Variants in GOLGA4 observed in about 807,000 individuals in gnomAD.
GOLGA4 encodes the protein golgin subfamily A member 4.
A neutral mutation model predicts 265.9 loss-of-function variants in GOLGA4; 169 were observed. That is an observed-to-expected ratio of 0.64 (90% confidence interval 0.56 to 0.72). The LOEUF is 0.72. Among genes scored for constraint, GOLGA4 ranks in the 30% least tolerant of loss-of-function variants. The pLI is 0.00. For missense variants in GOLGA4, 2,482 were observed against 2,483.4 expected (o/e 1.00, Z 0.01); for synonymous variants, 923 against 855.8 (o/e 1.08, Z -1.37).
In GOLGA4 at chr3:37,315,552, A is replaced by G. The variant is rs760709818; in HGVS notation, c.1367A>G (p.Gln456Arg). Reference sequence around the variant, plus strand: ...AGTGAGGAGGAACGCATCAGTCTTCAACAGGAATTAAGTCGGGTGAAACAG... The same window carrying G: ...AGTGAGGAGGAACGCATCAGTCTTCGACAGGAATTAAGTCGGGTGAAACAG... ...KTSEEERISL[Q>R]QELSRVKQEV... Residue 456 changes from glutamine to arginine, a missense_variant, in exon 11 of 24, where the codon CAA (glutamine) becomes CGA (arginine). Physicochemically the swap from Gln to Arg is conservative, Grantham distance 43. Around this residue, in one of 3 missense-constraint regions of GOLGA4, gnomAD observed 1,536 missense variants for 1,483.7 expected, o/e 1.04. Coordinates refer to ENST00000361924, the MANE Select transcript of GOLGA4 (RefSeq NM_002078.5). 1.9e-6 allele frequency: 3 copies of G among 1,614,070 alleles called. No homozygotes were observed. Among genetic ancestry groups the G allele is most frequent in the Non-Finnish European group, 2.5e-6 (3 of 1,179,924 alleles).
rs1276946223 is a variant in GOLGA4, at chr3:37,324,598, A to T, written c.2712A>T (p.Gln904His). Residue 904 changes from glutamine to histidine, a missense_variant, in exon 14 of 24, where the codon CAA becomes CAT. Physicochemically the swap from Gln to His is conservative, Grantham distance 24. Transcript: ENST00000361924. Reference protein sequence around the residue: ...DGNKEQEQTKQILVEKENMIL... With the variant: ...DGNKEQEQTKHILVEKENMIL... ...ACAAAGAACAGGAACAGACAAAGCAAATCTTGGTGGAAAAGGAAAATATGA... is the reference window on the plus strand; with the variant it reads ...ACAAAGAACAGGAACAGACAAAGCATATCTTGGTGGAAAAGGAAAATATGA... 5 of 1,613,638 alleles carry T rather than the reference A, an allele frequency of 3.1e-6. No individual in the cohort carries two copies. Among genetic ancestry groups the T allele is most frequent in the Admixed American group, 1.7e-5 (1 of 60,000 alleles).
At chr3:37,311,418 A>G (rs2096922857) in intron 10 of GOLGA4, among the ~76,000 whole-genome samples, 1 of 152,224 alleles carries the variant, frequency 6.6e-6, no homozygotes, top group Admixed American at 6.5e-5. Flanking sequence ...GCCATTAGTA[A>G]TTGATTGGCT....
Position 37,357,631 on chromosome 3 carries a change from T to C in GOLGA4, c.6663+2444T>C, listed in dbSNP as rs564589557. ...GATACTTGATAATGTGACTCATGATTGTTTCACGAGTATAAGAAAGTTGAA... is the reference window on the plus strand; with the variant it reads ...GATACTTGATAATGTGACTCATGATCGTTTCACGAGTATAAGAAAGTTGAA... On this transcript the variant is annotated intron_variant, in intron 22 of 23. Transcript: ENST00000361924. Among the ~76,000 whole-genome samples the C allele has an allele frequency of 5.9e-5, 9 of 152,338 alleles. No homozygotes were observed. The East Asian group carries it at 1.5e-3, about 26-fold the overall frequency.
chr3:37,282,370 T>G (rs964303897), intron 3 of GOLGA4, 98 bp downstream of exon 3: 8 of 848,818 alleles, frequency 9.4e-6, no homozygotes, highest in African/African-American at 8.3e-5. Flanking sequence ...GCTAAACTGT[T>G]AATTCTCTGG....
rs778445732 is a variant in GOLGA4, at chr3:37,325,036, A to T, written c.3150A>T (p.Lys1050Asn). The T allele has an allele frequency of 6.2e-7, 1 of 1,612,896 alleles. No individual in the cohort carries two copies. Among genetic ancestry groups the T allele is most frequent in the South Asian group, 1.1e-5 (1 of 90,872 alleles). The change falls in exon 14 of 24, where the codon AAA (lysine) becomes AAT (asparagine). Residue 1050 changes from lysine to asparagine, a missense_variant. Lys to Asn is a moderately conservative substitution (Grantham distance 94, BLOSUM62 0). This residue lies in a region of GOLGA4 where 1,536 missense variants were observed against 1,483.7 expected (regional missense o/e 1.04). Transcript: ENST00000361924. ...LNDVISIWEK[K>N]LNQQAEELQE... is the part of the protein sequence containing the mutation. ...ATGTCATATCAATCTGGGAAAAGAAACTTAATCAGCAAGCTGAAGAACTTC... is the reference window on the plus strand; with the variant it reads ...ATGTCATATCAATCTGGGAAAAGAATCTTAATCAGCAAGCTGAAGAACTTC...
intron 22 of GOLGA4, among the ~76,000 whole-genome samples, chr3:37,359,096 T>A (rs541079942): frequency 6.6e-6 from 1 of 152,198 alleles, no homozygotes; most frequent in Non-Finnish European, 1.5e-5. Context: ...CATATCTCTG[T>A]TTTTCCTAGA....
intron 2 of GOLGA4, among the ~76,000 whole-genome samples, chr3:37,262,149 G>T (rs571174915): frequency 6.6e-6 from 1 of 152,304 alleles, no homozygotes; most frequent in African/African-American, 2.4e-5. Context: ...ACAGAAAATT[G>T]TAGAAGAAAA....
chr3:37,252,225 A>G (rs1414311431), intron 2 of GOLGA4, among the ~76,000 whole-genome samples: 2 of 152,212 alleles, frequency 1.3e-5, no homozygotes, highest in East Asian at 1.9e-4. Context: ...GAATCCTCCC[A>G]GGTCAAGCAA....
chr3:37,289,404 A>G, intron 5 of GOLGA4, 113 bp downstream of exon 5: 2 of 644,220 alleles, frequency 3.1e-6, no homozygotes, highest in Non-Finnish European at 5.4e-6. Flanking sequence ...ACTAATAACT[A>G]ACCAGTCCAG....
In GOLGA4 at chr3:37,323,705, G is replaced by A; in HGVS notation, c.1819G>A (p.Val607Ile). 6.2e-7 allele frequency: 1 copy of A among 1,613,776 alleles called. No homozygotes were observed. Among genetic ancestry groups the A allele is most frequent in the Non-Finnish European group, 8.5e-7 (1 of 1,179,932 alleles). Residue 607 changes from valine (V) to isoleucine (I), a missense_variant, in exon 14 of 24, where the codon GTC becomes ATC. Around this residue, in one of 3 missense-constraint regions of GOLGA4, gnomAD observed 1,536 missense variants for 1,483.7 expected, o/e 1.04. Transcript: ENST00000361924. Reference sequence around the variant, plus strand: ...AAATAAGCACAATAAGGAGATTACAGTCATGGTTGAAAAACACAAGACAGA... The same window carrying A: ...AAATAAGCACAATAAGGAGATTACAATCATGGTTGAAAAACACAAGACAGA... ...EKNKHNKEITVMVEKHKTELE... is the reference protein window; with the variant it reads ...EKNKHNKEITIMVEKHKTELE...
rs1192900624 is a variant in GOLGA4 at position 37,324,634 on chromosome 3, G to C, written c.2748G>C (p.Met916Ile). 2.9e-5 allele frequency: 47 copies of C among 1,612,436 alleles called. No individual in the cohort carries two copies. The highest frequency in any genetic ancestry group is 3.8e-5 in the Non-Finnish European group (45 of 1,179,112). ...LVEKENMILQMREGQKKEIEI... is the reference protein window; with the variant it reads ...LVEKENMILQIREGQKKEIEI... ...AAAAGGAAAATATGATTTTACAAATGAGAGAAGGACAGAAGAAAGAAATTG... is the reference window on the plus strand; with the variant it reads ...AAAAGGAAAATATGATTTTACAAATCAGAGAAGGACAGAAGAAAGAAATTG... Residue 916 changes from methionine to isoleucine, a missense_variant, in exon 14 of 24, where the codon ATG (methionine) becomes ATC (isoleucine). By Grantham distance (10) the Met-to-Ile change is conservative. Around this residue, in one of 3 missense-constraint regions of GOLGA4, gnomAD observed 1,536 missense variants for 1,483.7 expected, o/e 1.04. Coordinates refer to ENST00000361924, the MANE Select transcript of GOLGA4 (RefSeq NM_002078.5).
intron 23 of GOLGA4, among the ~76,000 whole-genome samples, chr3:37,362,230 TTTATTTATTA>T (rs1559479472): frequency 7.8e-4 from 94 of 121,270 alleles, no homozygotes; most frequent in South Asian, 4.9e-3. Flanking sequence ...TATTTATTTA[TTTATTTATTA>T]TTTTTTTTTT....
rs2096963910 is a variant in GOLGA4 at position 37,324,405 on chromosome 3, A to C, written c.2519A>C (p.Lys840Thr). 2 of 1,614,082 alleles carry C rather than the reference A, an allele frequency of 1.2e-6. No homozygotes were observed. The highest frequency in any genetic ancestry group is 1.3e-5 in the African/African-American group (1 of 74,938). Residue 840 changes from lysine (K) to threonine (T), a missense_variant, in exon 14 of 24, where the codon AAA becomes ACA. This residue lies in a region of GOLGA4 where 1,536 missense variants were observed against 1,483.7 expected (regional missense o/e 1.04). Coordinates refer to ENST00000361924, the MANE Select transcript of GOLGA4 (RefSeq NM_002078.5). ...GAAACAGAAAGAATTCTTCTTACCAAACAGGTTGCTGAAGTTGAAGCACAA... is the reference window on the plus strand; with the variant it reads ...GAAACAGAAAGAATTCTTCTTACCACACAGGTTGCTGAAGTTGAAGCACAA... Reference protein sequence around the residue: ...DLETERILLTKQVAEVEAQKK... With the variant: ...DLETERILLTTQVAEVEAQKK...
At chr3:37,263,851 G>A (rs540097752) in intron 2 of GOLGA4, among the ~76,000 whole-genome samples, 1 of 152,340 alleles carries the variant, frequency 6.6e-6, no homozygotes, top group African/African-American at 2.4e-5. Context: ...CAGAAGAGGT[G>A]AATTAAATCC....
At chr3:37,349,198 A>C (rs958462447) in intron 21 of GOLGA4, among the ~76,000 whole-genome samples, 1 of 152,112 alleles carries the variant, frequency 6.6e-6, no homozygotes, top group African/African-American at 2.4e-5. Context: ...GCCCTTTATC[A>C]CCATGGTAGA....
chr3:37,322,003 C>T, intron 13 of GOLGA4, 117 bp downstream of exon 13: 1 of 788,542 alleles, frequency 1.3e-6, no homozygotes, highest in Non-Finnish European at 2.0e-6. Flanking sequence ...TGTATACATG[C>T]CCTTCATTTT....
At chr3:37,280,186 G>A (rs1270163953) in intron 2 of GOLGA4, among the ~76,000 whole-genome samples, 1 of 152,090 alleles carries the variant, frequency 6.6e-6, no homozygotes, top group African/African-American at 2.4e-5. Flanking sequence ...TGTATTAATG[G>A]TATGTCATAT....
In GOLGA4 at chr3:37,337,152, A is replaced by G. The variant is rs1334471802; in HGVS notation, c.6316A>G (p.Met2106Val). ...ENPGNDNVTI[M>V]ELQTQLAQKT... ...CTTTCCATTTTTTCAGGTAACAATT[A>G]TGGAGCTACAGGTAAGGCTAGTTCT... Residue 2106 changes from methionine (M) to valine (V), a missense_variant, in exon 18 of 24, where the codon ATG becomes GTG. Physicochemically the swap from Met to Val is conservative, Grantham distance 21. This residue lies in a region of GOLGA4 where 942 missense variants were observed against 983.1 expected (regional missense o/e 0.96). Transcript: ENST00000361924. 2.1e-6 allele frequency: 3 copies of G among 1,422,150 alleles called. No individual in the cohort carries two copies. Among genetic ancestry groups the G allele is most frequent in the Admixed American group, 3.6e-5 (2 of 55,808 alleles). 88.1% of individuals were successfully genotyped at this position (1,422,150 alleles called of 1,614,324 possible).
intron 16 of GOLGA4, among the ~76,000 whole-genome samples, chr3:37,332,409 A>C (rs939078110): frequency 3.9e-5 from 6 of 152,142 alleles, no homozygotes; most frequent in African/African-American, 1.4e-4. Flanking sequence ...TGGGAGGCTG[A>C]GGCAGGAGGA....
Sources: gnomAD v4.1 joint callset for allele counts (sites outside exome capture counted in the v4.1 genomes callset) on GRCh38, gnomAD v4.1.1 for gene constraint, gnomAD v4.1.1 regional missense constraint, MANE v1.5 for transcripts, NCBI Gene and HGNC (gene_info 2026-07-23, HGNC 2026-07-21) for gene names.